CBX5: variants seen among roughly 807,000 people sequenced by gnomAD.
The protein encoded by CBX5 is chromobox protein homolog 5.
Under a neutral mutation model 20.7 loss-of-function variants are expected in CBX5, and 7 were observed. The observed-to-expected ratio is 0.34, with a 90% CI of 0.19 to 0.63. The LOEUF (loss-of-function observed/expected upper bound fraction) is 0.63. Among genes scored for constraint, CBX5 ranks in the 30% least tolerant of loss-of-function variants. CBX5 has a pLI of 0.75. For synonymous variants in CBX5, 78 were observed against 77.0 expected, an observed-to-expected ratio of 1.01 and a Z score of -0.07; for missense variants, 110 against 224.1, an observed-to-expected ratio of 0.49 and a Z score of 3.25.
chr12:54,241,791 A>G lies in CBX5; in HGVS notation c.540T>C (p.Asp180=), dbSNP rs1180211592. 6.2e-7 allele frequency: 1 copy of G among 1,612,586 alleles called. No homozygotes were observed. Among genetic ancestry groups the G allele is most frequent in the Admixed American group, 1.7e-5 (1 of 59,436 alleles). ...CTGTTTCTTTCTCTTTGTTTTCCGC[A>G]TCCTCAGGATATGCATGCCATGTCA... is the stretch of plus-strand genomic sequence containing the variant. The part of the protein sequence containing the change: ...ERLTWHAYPE[D]AENKEKETAK... The change falls in exon 5 of 5, where the codon GAT becomes GAC. Residue 180 remains aspartate, a synonymous_variant. Coordinates refer to ENST00000209875, the MANE Select transcript of CBX5 (RefSeq NM_012117.3).
chr12:54,239,011 A>C lies in CBX5; in HGVS notation c.*2744T>G, dbSNP rs893880569. 1 of 152,218 alleles carries C rather than the reference A, an allele frequency of 6.6e-6. No individual in the cohort carries two copies. Among genetic ancestry groups the C allele is most frequent in the African/African-American group, 2.4e-5 (1 of 41,440 alleles). 9.4% of individuals were successfully genotyped at this position (152,218 alleles called of 1,614,324 possible). On this transcript the variant is annotated 3_prime_UTR_variant, in exon 5 of 5. Coordinates refer to ENST00000209875, the MANE Select transcript of CBX5 (RefSeq NM_012117.3). ...TCTAGGGCAAGAACATCTACTCAACACTAACAAATGCTGGAAGCAGGCATC... is the reference window on the plus strand; with the variant it reads ...TCTAGGGCAAGAACATCTACTCAACCCTAACAAATGCTGGAAGCAGGCATC...
rs1943644138 is a variant in CBX5 at position 54,238,373 on chromosome 12, CTGAAAAATATCCGTATT to C, written c.*3365_*3381del. The C allele has an allele frequency of 1.3e-5, 2 of 151,998 alleles. No individual in the cohort carries two copies. The highest frequency in any genetic ancestry group is 4.2e-4 in the South Asian group (2 of 4,810). 9.4% of individuals were successfully genotyped at this position (151,998 alleles called of 1,614,324 possible). On this transcript the variant is annotated 3_prime_UTR_variant, in exon 5 of 5. Transcript: ENST00000209875. ...GTCAGTGGACAAGTAGAAGAGTCTC[CTGAAAAATATCCGTATT>C]TGAAAAGGCAGCAGGAGTTGATAGA...
intron 1 of CBX5, among the ~76,000 whole-genome samples, chr12:54,269,165 CAGG>C (rs1253864556): frequency 6.6e-6 from 1 of 151,956 alleles, no homozygotes; most frequent in Non-Finnish European, 1.5e-5. Flanking sequence ...GAGGCTGAGG[CAGG>C]AGAATCGCTT....
chr12:54,249,263 G>T lies in CBX5; in HGVS notation c.324+2778C>A, dbSNP rs2137014826. Among the ~76,000 whole-genome samples the T allele has an allele frequency of 2.0e-5, 3 of 152,120 alleles. No homozygotes were observed. In the East Asian group the frequency reaches 5.8e-4, roughly 29 times the overall value. The stretch of plus-strand genomic sequence containing the variant: ...CATGTGCCTGTAGTCCCAGCTACTA[G>T]GGAGGGTGAAGCAGGAGAATCGCTT... On this transcript the variant is annotated intron_variant, in intron 3 of 4. Coordinates refer to ENST00000209875, the MANE Select transcript of CBX5 (RefSeq NM_012117.3).
At chr12:54,278,079 C>T (rs747139765) in intron 1 of CBX5, among the ~76,000 whole-genome samples, 6 of 152,162 alleles carry the variant, frequency 3.9e-5, no homozygotes, top group Admixed American at 1.3e-4. Context: ...CCTACCTCCC[C>T]GGACATTTGG....
intron 4 of CBX5, among the ~76,000 whole-genome samples, chr12:54,242,524 C>CA (rs34124128): frequency 2.3e-4 from 18 of 76,896 alleles, no homozygotes; most frequent in East Asian, 3.7e-4. Flanking sequence ...GACTCCGTCT[C>CA]AAAAAAAAAA....
At chr12:54,248,782 G>A (rs182867038) in intron 3 of CBX5, among the ~76,000 whole-genome samples, 65 of 152,352 alleles carry the variant, frequency 4.3e-4, no homozygotes, top group Non-Finnish European at 8.4e-4. Context: ...CATACAGGCA[G>A]TAATCTTAAA....
chr12:54,264,874 TTGG>T (rs1031762517), intron 1 of CBX5, among the ~76,000 whole-genome samples: 1 of 151,694 alleles, frequency 6.6e-6, no homozygotes, highest in African/African-American at 2.4e-5. Context: ...AGAAAGCCAA[TTGG>T]TAAGCTGCCT....
chr12:54,264,564 CGGGCGCA>C (rs1294541726), intron 1 of CBX5, among the ~76,000 whole-genome samples: 1 of 152,150 alleles, frequency 6.6e-6, no homozygotes, highest in Non-Finnish European at 1.5e-5. Context: ...GAAAGCCAGC[CGGGCGCA>C]GTGGCTCATG....
At chr12:54,257,459 C>A in intron 2 of CBX5, 55 bp downstream of exon 2, 1 of 1,583,760 alleles carries the variant, frequency 6.3e-7, no homozygotes, top group Non-Finnish European at 8.6e-7. Flanking sequence ...AGGAAGTAAA[C>A]CAAAGGTATC....
intron 1 of CBX5, among the ~76,000 whole-genome samples, chr12:54,258,887 G>C (rs985787901): frequency 6.6e-6 from 1 of 152,058 alleles, no homozygotes; most frequent in Admixed American, 6.5e-5. Flanking sequence ...ACTAACCTCA[G>C]AATGATGTTC....
Position 54,265,125 on chromosome 12 carries a change from C to T in CBX5, c.-42-7433G>A, listed in dbSNP as rs543621113. ...TGGTTGCAGTTGGCCCAGACTTGCA[C>T]GATTCCCACTTCTCCTTAAGGCCCT... On this transcript the variant is annotated intron_variant, in intron 1 of 4. Transcript: ENST00000209875. 4.0e-3 allele frequency among the ~76,000 whole-genome samples: 610 copies of T among 152,266 alleles called. 5 individuals are homozygous for T. Among genetic ancestry groups the T allele is most frequent in the South Asian group, 0.016 (79 of 4,820 alleles).
rs762061268 is a variant in CBX5 at position 54,241,552 on chromosome 12, T to C, written c.*203A>G. ...TTACACTCAGTATGTAAATGCCTGG[T>C]CTTCACAGAGAGACACTTATCATTA... On this transcript the variant is annotated 3_prime_UTR_variant, in exon 5 of 5. Coordinates refer to ENST00000209875, the MANE Select transcript of CBX5 (RefSeq NM_012117.3). 2 of 546,522 alleles carry C rather than the reference T, an allele frequency of 3.7e-6. No homozygotes were observed. Among genetic ancestry groups the C allele is most frequent in the Non-Finnish European group, 6.4e-6 (2 of 314,516 alleles). 33.9% of individuals were successfully genotyped at this position (546,522 alleles called of 1,614,324 possible). A position where few individuals can be genotyped will look rare whatever the true frequency, so the allele number is the denominator to read the frequency against.
rs1044386311 is a variant in CBX5 at position 54,238,085 on chromosome 12, G to A, written c.*3670C>T. 1.3e-5 allele frequency: 2 copies of A among 152,246 alleles called. No homozygotes were observed. Among genetic ancestry groups the A allele is most frequent in the African/African-American group, 4.8e-5 (2 of 41,440 alleles). The allele number at this position is 152,246 out of a possible 1,614,324, so 9.4% of individuals were successfully genotyped here. ...CACACCTGTAGTCCCAGCTACTCGA[G>A]AGGCTGAGGCAGGAGAATCGCTTGA... On this transcript the variant is annotated 3_prime_UTR_variant, in exon 5 of 5. Transcript: ENST00000209875.
chr12:54,241,520 G>T lies in CBX5; in HGVS notation c.*235C>A, dbSNP rs1943676380. 2 of 433,378 alleles carry T rather than the reference G, an allele frequency of 4.6e-6. No individual in the cohort carries two copies. 26.8% of individuals were successfully genotyped at this position (433,378 alleles called of 1,614,324 possible). A position where few individuals can be genotyped will look rare whatever the true frequency, so the allele number is the denominator to read the frequency against. On this transcript the variant is annotated 3_prime_UTR_variant, in exon 5 of 5. Transcript: ENST00000209875. ...GATCAGGGCAAAGGAAAAAAAAATT[G>T]TGGGTATTACACTCAGTATGTAAAT...
rs182500654 is a variant in CBX5 at position 54,247,833 on chromosome 12, C to G, written c.325-1618G>C. Reference sequence around the variant, plus strand: ...GGATTATAGGTGCCTGCTACCACCCCTGGCTAATTTTTTTTTTTTTTTTTT... The same window carrying G: ...GGATTATAGGTGCCTGCTACCACCCGTGGCTAATTTTTTTTTTTTTTTTTT... On this transcript the variant is annotated intron_variant, in intron 3 of 4. Coordinates refer to ENST00000209875, the MANE Select transcript of CBX5 (RefSeq NM_012117.3). Among the ~76,000 whole-genome samples the G allele has an allele frequency of 3.3e-5, 5 of 151,492 alleles. No individual in the cohort carries two copies. The East Asian group carries it at 9.7e-4, about 29-fold the overall frequency.
chr12:54,270,344 T>C (rs1943998036), intron 1 of CBX5, among the ~76,000 whole-genome samples: 1 of 152,176 alleles, frequency 6.6e-6, no homozygotes, highest in Non-Finnish European at 1.5e-5. Flanking sequence ...GGCAGGATCA[T>C]AGCTCACTGC....
In CBX5 at chr12:54,270,957, C is replaced by A. The variant is rs368021973; in HGVS notation, c.-43+9051G>T. ...CCAGTGGTCCCAGCTTTTCAGAAGG[C>A]TGAGGCAGGAGGATCACTTGAGCCC... On this transcript the variant is annotated intron_variant, in intron 1 of 4. Transcript: ENST00000209875. Among the ~76,000 whole-genome samples, 81 of 152,338 alleles carry A rather than the reference C, an allele frequency of 5.3e-4. 1 individual carries two copies. The highest frequency in any genetic ancestry group is 1.9e-3 in the African/African-American group (78 of 41,578).
intron 1 of CBX5, among the ~76,000 whole-genome samples, chr12:54,277,912 T>A (rs1256603484): frequency 6.6e-6 from 1 of 152,218 alleles, no homozygotes; most frequent in Non-Finnish European, 1.5e-5. Flanking sequence ...ACAGGCATAA[T>A]CATCTCACAC....
Sources: gnomAD v4.1 joint callset for allele counts (sites outside exome capture counted in the v4.1 genomes callset) on GRCh38, gnomAD v4.1.1 for gene constraint, MANE v1.5 for transcripts, NCBI Gene and HGNC (gene_info 2026-07-23, HGNC 2026-07-21) for gene names.